THSD4: variants seen among roughly 807,000 people sequenced by gnomAD.
THSD4 encodes thrombospondin type 1 domain containing 4, also known as thrombospondin type-1 domain-containing protein 4.
A neutral mutation model predicts 119.0 loss-of-function variants in THSD4; 69 were observed. The observed-to-expected ratio is 0.58, with a 90% CI of 0.48 to 0.71. The LOEUF is 0.71. Ranked by LOEUF, THSD4 falls within the 30% of genes least tolerant of loss-of-function variation. THSD4 has a pLI of 0.00. For missense variants in THSD4, 1,393 were observed against 1,391.1 expected (o/e 1.00, Z -0.02); for synonymous variants, 524 against 540.4 (o/e 0.97, Z 0.42).
At chr15:71,584,263 T>A (rs1345935047) in intron 7 of THSD4, among the ~76,000 whole-genome samples, 51 of 7,442 alleles carry the variant, frequency 6.9e-3, no homozygotes, top group African/African-American at 0.011. Flanking sequence ...TTTCACTTTC[T>A]TTTTTTTTTT....
intron 7 of THSD4, among the ~76,000 whole-genome samples, chr15:71,470,277 G>C (rs2047556492): frequency 6.6e-6 from 1 of 152,106 alleles, no homozygotes; most frequent in South Asian, 2.1e-4. Flanking sequence ...AAACCTGATA[G>C]TTTGTTGGAG....
intron 3 of THSD4, among the ~76,000 whole-genome samples, chr15:71,198,080 C>A (rs551588690): frequency 1.3e-5 from 2 of 152,212 alleles, no homozygotes; most frequent in East Asian, 1.9e-4. Flanking sequence ...TATAGTGAGA[C>A]CCTGTCTCTA....
At chr15:71,668,721 TAAC>T (rs2051464372) in intron 8 of THSD4, among the ~76,000 whole-genome samples, 2 of 152,184 alleles carry the variant, frequency 1.3e-5, no homozygotes, top group South Asian at 2.1e-4. Flanking sequence ...CTTAGCCTTT[TAAC>T]AAACTCTCAC....
rs187554497 is a variant in THSD4 at position 71,383,101 on chromosome 15, G to A, written c.1016-28586G>A. ...AACCTGTTAGATTATTGCCCTAAGT[G>A]ATTTCTAGTTTGCTTATTATAATTT... On this transcript the variant is annotated intron_variant, in intron 6 of 17. Transcript: ENST00000261862. Among the ~76,000 whole-genome samples the A allele has an allele frequency of 1.3e-3, 198 of 152,266 alleles. 3 individuals carry two copies. Among genetic ancestry groups the A allele is most frequent in the Admixed American group, 0.01 (160 of 15,288 alleles).
chr15:71,762,178 C>CACAGAG (rs55645600), intron 15 of THSD4, among the ~76,000 whole-genome samples: 2,871 of 147,590 alleles, frequency 0.019, 42 homozygotes, highest in East Asian at 0.047. Context: ...CACACACACA[C>CACAGAG]AGAGATAGAG....
intron 17 of THSD4, among the ~76,000 whole-genome samples, chr15:71,773,947 A>G (rs528693229): frequency 3.9e-5 from 6 of 152,336 alleles, no homozygotes; most frequent in African/African-American, 1.2e-4. Context: ...AATCCCCAAT[A>G]TAGACAGAAC....
At chr15:71,561,928 A>T (rs1431772585) in intron 7 of THSD4, among the ~76,000 whole-genome samples, 13 of 141,796 alleles carry the variant, frequency 9.2e-5, no homozygotes, top group Admixed American at 4.2e-4. Context: ...ACAAACACTC[A>T]CTCACTCTCT....
intron 7 of THSD4, among the ~76,000 whole-genome samples, chr15:71,545,976 T>C (rs2048831285): frequency 6.6e-6 from 1 of 152,176 alleles, no homozygotes; most frequent in South Asian, 2.1e-4. Context: ...GTTTATTAAT[T>C]TACTTTCTGG....
chr15:71,222,336 G>A (rs1193696734), intron 4 of THSD4, among the ~76,000 whole-genome samples: 1 of 152,164 alleles, frequency 6.6e-6, no homozygotes, highest in East Asian at 1.9e-4. Flanking sequence ...CCGATATCAG[G>A]CAAGCTTTCC....
At chr15:71,341,994 G>T (rs1312160606) in intron 6 of THSD4, among the ~76,000 whole-genome samples, 2 of 152,076 alleles carry the variant, frequency 1.3e-5, no homozygotes, top group African/African-American at 4.8e-5. Flanking sequence ...TACCACAGAG[G>T]ATTAACTCTT....
intron 6 of THSD4, among the ~76,000 whole-genome samples, chr15:71,271,968 G>A (rs1217662074): frequency 3.3e-5 from 5 of 152,136 alleles, no homozygotes; most frequent in Non-Finnish European, 2.9e-5. Context: ...CTTCTGCATA[G>A]CAAAAGAAAC....
intron 6 of THSD4, among the ~76,000 whole-genome samples, chr15:71,277,763 C>T (rs1004404048): frequency 6.6e-6 from 1 of 152,120 alleles, no homozygotes; most frequent in Non-Finnish European, 1.5e-5. Context: ...TGTCACTGCT[C>T]TATTGGAATC....
At chr15:71,571,593 T>C (rs1296814320) in intron 7 of THSD4, among the ~76,000 whole-genome samples, 1 of 152,184 alleles carries the variant, frequency 6.6e-6, no homozygotes, top group Non-Finnish European at 1.5e-5. Context: ...AATGCCTGTA[T>C]TTAGCCCCTA....
chr15:71,436,825 T>C (rs975715639), intron 7 of THSD4, among the ~76,000 whole-genome samples: 1 of 152,190 alleles, frequency 6.6e-6, no homozygotes, highest in Non-Finnish European at 1.5e-5. Context: ...ATTTGAGGGA[T>C]AGTAACATTT....
intron 6 of THSD4, among the ~76,000 whole-genome samples, chr15:71,296,756 G>A (rs751005138): frequency 3.3e-5 from 5 of 152,182 alleles, no homozygotes; most frequent in African/African-American, 4.8e-5. Flanking sequence ...TGAAAACGTC[G>A]TATTCCTTTA....
intron 17 of THSD4, among the ~76,000 whole-genome samples, chr15:71,774,176 T>C (rs752268511): frequency 6.6e-6 from 1 of 151,980 alleles, no homozygotes; most frequent in Non-Finnish European, 1.5e-5. Flanking sequence ...CCAGGTGTGG[T>C]GGCGCATGCC....
intron 8 of THSD4, among the ~76,000 whole-genome samples, chr15:71,680,283 C>G (rs2051746877): frequency 6.6e-6 from 1 of 152,178 alleles, no homozygotes; most frequent in Admixed American, 6.5e-5. Flanking sequence ...GTTCTCTAAG[C>G]CTTCTCCCAT....
chr15:71,122,933 T>G (rs2040420050), intron 1 of THSD4, among the ~76,000 whole-genome samples: 1 of 152,244 alleles, frequency 6.6e-6, no homozygotes, highest in Non-Finnish European at 1.5e-5. Flanking sequence ...TGGTCCGTGC[T>G]GCTCATGGGG....
intron 9 of THSD4, chr15:71,730,889 C>T (rs2052964055): frequency 5.9e-6 from 3 of 511,566 alleles, no homozygotes; most frequent in Non-Finnish European, 1.1e-5. Flanking sequence ...TGACTCTTAG[C>T]TTAGTCTTCT....
Sources: allele counts gnomAD v4.1 joint callset (sites outside exome capture counted in the v4.1 genomes callset), GRCh38; gene constraint gnomAD v4.1.1; transcripts MANE v1.5; gene names NCBI Gene and HGNC (gene_info 2026-07-23, HGNC 2026-07-21).